Variants in SYCP2 observed in about 807,000 individuals in gnomAD.
SYCP2 encodes the protein synaptonemal complex lateral element protein.
A neutral mutation model predicts 211.3 loss-of-function variants in SYCP2; 55 were observed. The observed-to-expected ratio is 0.26, with a 90% CI of 0.21 to 0.33. SYCP2 has a LOEUF of 0.33. Among genes scored for constraint, SYCP2 ranks in the 10% least tolerant of loss-of-function variants. The pLI is 1.00. For synonymous variants in SYCP2, 570 were observed against 555.2 expected (o/e 1.03, Z -0.37); for missense variants, 1,731 against 1,752.0 (o/e 0.99, Z 0.21).
At chr20:59,891,878 CA>C in intron 24 of SYCP2, 111 bp downstream of exon 24, 1 of 923,646 alleles carries the variant, frequency 1.1e-6, no homozygotes, top group Non-Finnish European at 1.6e-6. Context: ...CTGAATTAAA[CA>C]AGGTATTACA....
chr20:59,873,816 GAT>G (rs2059501344), intron 35 of SYCP2, 38 bp downstream of exon 35: 1 of 1,482,592 alleles, frequency 6.7e-7, no homozygotes, highest in Non-Finnish European at 9.2e-7. Context: ...ACTACCTTCA[GAT>G]ATATCTGATA....
intron 32 of SYCP2, among the ~76,000 whole-genome samples, 183 bp downstream of exon 32, chr20:59,877,825 A>T (rs953897176): frequency 6.6e-6 from 1 of 152,046 alleles, no homozygotes; most frequent in Non-Finnish European, 1.5e-5. Flanking sequence ...AAAGCACAGA[A>T]TAAAATGGAG....
rs375676184 is a variant in SYCP2 at position 59,867,717 on chromosome 20, C to T, written c.4119G>A (p.Arg1373=). The change falls in exon 39 of 45, where the codon AGG becomes AGA. Residue 1373 remains arginine (R), a synonymous_variant. Transcript: ENST00000357552. ...YERLNSEFKR[R]NNIRHKMLSY... is the part of the protein sequence containing the mutation. ...AATTTAAAGAATAACTCACATTATT[C>T]CTTCTCTTAAATTCTGAATTGAGCC... 6.2e-6 allele frequency: 10 copies of T among 1,605,392 alleles called. No homozygotes were observed. In the African/African-American group the frequency reaches 1.3e-4, roughly 22 times the overall value.
chr20:59,882,657 T>G (rs2059708397), intron 26 of SYCP2, among the ~76,000 whole-genome samples: 1 of 151,946 alleles, frequency 6.6e-6, no homozygotes, highest in Non-Finnish European at 1.5e-5. Context: ...GAGGCCAAAG[T>G]AAAGTGAAAT....
At chr20:59,878,279 A>G (rs1441777356) in intron 31 of SYCP2, among the ~76,000 whole-genome samples, 1 of 152,052 alleles carries the variant, frequency 6.6e-6, no homozygotes, top group African/African-American at 2.4e-5. Context: ...GCCTCACAAT[A>G]CACTATTTTG....
At chr20:59,910,828 AAC>A (rs2060307206) in intron 14 of SYCP2, among the ~76,000 whole-genome samples, 1 of 151,804 alleles carries the variant, frequency 6.6e-6, no homozygotes, top group Non-Finnish European at 1.5e-5. Context: ...ATCAGCTTAA[AAC>A]ACTCCTACAA....
At chr20:59,931,574 C>A (rs1295539178) in intron 2 of SYCP2, among the ~76,000 whole-genome samples, 2 of 152,176 alleles carry the variant, frequency 1.3e-5, no homozygotes, top group Non-Finnish European at 2.9e-5. Flanking sequence ...ACTGTTGAGG[C>A]AGGCTTGCCC....
At chr20:59,879,858 TATATAC>T (rs1211152268) in intron 31 of SYCP2, among the ~76,000 whole-genome samples, 8 of 116,716 alleles carry the variant, frequency 6.9e-5, no homozygotes, top group South Asian at 2.6e-4. Context: ...TATATATATA[TATATAC>T]ACACACACAC....
Position 59,863,856 on chromosome 20 carries a change from T to C in SYCP2, c.*455A>G, listed in dbSNP as rs1046319594. The C allele has an allele frequency of 6.6e-6, 1 of 152,302 alleles. No individual in the cohort carries two copies. 9.4% of individuals were successfully genotyped at this position (152,302 alleles called of 1,614,324 possible). ...AAAGTACTGATCTACCACTCAGTTA[T>C]ACATTTTAAACTAGGGACTTCCTCC... On this transcript the variant is annotated 3_prime_UTR_variant, in exon 45 of 45. Transcript: ENST00000357552.
rs563224879 is a variant in SYCP2, at chr20:59,888,935, CGA to C, written c.2365-2103_2365-2102del. Reference sequence around the variant, plus strand: ...AGATGTATATCTAACAAAACATGTACGAGAGAAAAACTACAAAAGTCTGATGA... The same window carrying C: ...AGATGTATATCTAACAAAACATGTACGAGAAAAACTACAAAAGTCTGATGA... On this transcript the variant is annotated intron_variant, in intron 24 of 44. Coordinates refer to ENST00000357552, the MANE Select transcript of SYCP2 (RefSeq NM_014258.4). Among the ~76,000 whole-genome samples, 202 of 151,756 alleles carry C rather than the reference CGA, an allele frequency of 1.3e-3. 1 individual carries two copies. Among genetic ancestry groups the C allele is most frequent in the Non-Finnish European group, 2.0e-3 (138 of 67,882 alleles).
In SYCP2 at chr20:59,868,873, G is replaced by A. The variant is rs776127429; in HGVS notation, c.3794C>T (p.Thr1265Met). 12 of 1,609,826 alleles carry A rather than the reference G, an allele frequency of 7.5e-6. No homozygotes were observed. The highest frequency in any genetic ancestry group is 6.7e-5 in the East Asian group (3 of 44,722). ...LSKSSEGREK[T>M]WFDMPCDATH... ...AGCATCACAGGGCATGTCAAACCAC[G>A]TTTTCTCTCTTCCTTCACTAGACTT... is the stretch of plus-strand genomic sequence containing the variant. The change falls in exon 37 of 45, where the codon ACG becomes ATG. Residue 1265 changes from threonine (T) to methionine (M), a missense_variant. Thr to Met is a moderately conservative substitution (Grantham distance 81). Coordinates refer to ENST00000357552, the MANE Select transcript of SYCP2 (RefSeq NM_014258.4).
chr20:59,864,935 C>G (rs931670742), intron 44 of SYCP2, among the ~76,000 whole-genome samples: 3 of 152,010 alleles, frequency 2.0e-5, no homozygotes, highest in Non-Finnish European at 4.4e-5. Context: ...CAGAATGCAG[C>G]TGCTGGTCTA....
chr20:59,921,102 T>C (rs188649817), intron 4 of SYCP2, among the ~76,000 whole-genome samples: 71 of 151,766 alleles, frequency 4.7e-4, no homozygotes, highest in African/African-American at 1.6e-3. Flanking sequence ...TATTTTTGTA[T>C]ATTTTATTTG....
Position 59,875,253 on chromosome 20 carries a change from AAAC to A in SYCP2, c.3349+15_3349+17del. 2 of 1,530,246 alleles carry A rather than the reference AAAC, an allele frequency of 1.3e-6. No homozygotes were observed. Among genetic ancestry groups the A allele is most frequent in the Non-Finnish European group, 1.8e-6 (2 of 1,129,478 alleles). 94.8% of individuals were successfully genotyped at this position (1,530,246 alleles called of 1,614,324 possible). A position where few individuals can be genotyped will look rare whatever the true frequency, so the allele number is the denominator to read the frequency against. Reference sequence around the variant, plus strand: ...ACTATTGAATATTCAAGTAAAGAAAAAACAAAGTTATACTGACATCTCGTTACT... The same window carrying A: ...ACTATTGAATATTCAAGTAAAGAAAAAAAGTTATACTGACATCTCGTTACT... On this transcript the variant is annotated intron_variant, in intron 34 of 44. Coordinates refer to ENST00000357552, the MANE Select transcript of SYCP2 (RefSeq NM_014258.4).
chr20:59,915,023 T>C (rs953208439), intron 10 of SYCP2, 142 bp downstream of exon 10: 9 of 582,008 alleles, frequency 1.5e-5, no homozygotes, highest in African/African-American at 1.4e-4. Context: ...ATTTCATGTA[T>C]ATTTATTAAA....
In SYCP2 at chr20:59,871,595, C is replaced by T. The variant is rs961297049; in HGVS notation, c.3556-1612G>A. 3.3e-5 allele frequency among the ~76,000 whole-genome samples: 5 copies of T among 151,552 alleles called. No individual in the cohort carries two copies. In the Admixed American group the frequency reaches 3.3e-4, roughly 10 times the overall value. On this transcript the variant is annotated intron_variant, in intron 35 of 44. Transcript: ENST00000357552. ...GGCATACTGAAGGGATTAAAGGATG[C>T]GGGGGAAAATAAGAATGACAGAAAC...
chr20:59,895,443 T>C lies in SYCP2; in HGVS notation c.1659A>G (p.Ile553Met), dbSNP rs1360192196. The change falls in exon 20 of 45, where the codon ATA (isoleucine) becomes ATG (methionine). Residue 553 changes from isoleucine to methionine, a missense_variant. Ile to Met is a conservative substitution (Grantham distance 10). Transcript: ENST00000357552. ...ACTTTCAAGGTAAAGTTACTTTGTC[T>C]ATATTATCTCTTCTATGTCTTCCTT... ...SSEGRHRRDNIDKHIKTAKCV... is the reference protein window; with the variant it reads ...SSEGRHRRDNMDKHIKTAKCV... 1.3e-6 allele frequency: 2 copies of C among 1,591,536 alleles called. No individual in the cohort carries two copies. The highest frequency in any genetic ancestry group is 2.7e-5 in the African/African-American group (2 of 73,462).
intron 2 of SYCP2, among the ~76,000 whole-genome samples, chr20:59,924,133 T>A (rs2060591157): frequency 6.6e-6 from 1 of 151,874 alleles, no homozygotes; most frequent in Non-Finnish European, 1.5e-5. Context: ...AGAGAAGTAA[T>A]CTTATAATTA....
chr20:59,929,006 G>A (rs1204556185), intron 2 of SYCP2, among the ~76,000 whole-genome samples: 3 of 151,766 alleles, frequency 2.0e-5, no homozygotes, highest in African/African-American at 4.8e-5. Context: ...CATTTGCAAT[G>A]GAATAAGAGA....
Sources: allele counts gnomAD v4.1 joint callset (sites outside exome capture counted in the v4.1 genomes callset), GRCh38; gene constraint gnomAD v4.1.1; transcripts MANE v1.5; gene names NCBI Gene and HGNC (gene_info 2026-07-23, HGNC 2026-07-21).